Variants in CLEC1A observed in about 807,000 individuals in gnomAD.
CLEC1A encodes C-type lectin domain family 1 member A, also known as C-type lectin-like receptor-1.
Under a neutral mutation model 28.7 loss-of-function variants are expected in CLEC1A, and 34 were observed. That is an observed-to-expected ratio of 1.18 (90% confidence interval 0.90 to 1.57). The LOEUF is 1.57. Ranked by LOEUF, CLEC1A falls within the 40% of genes most tolerant of loss-of-function variation. The pLI is 0.00. For missense variants in CLEC1A, 385 were observed against 339.5 expected, an observed-to-expected ratio of 1.13 and a Z score of -1.05; for synonymous variants, 116 against 121.0, an observed-to-expected ratio of 0.96 and a Z score of 0.27.
At chr12:10,094,595 A>G (rs1001079983) in intron 1 of CLEC1A, among the ~76,000 whole-genome samples, 1 of 152,184 alleles carries the variant, frequency 6.6e-6, no homozygotes, top group African/African-American at 2.4e-5. Flanking sequence ...ACTAAGTTGC[A>G]CAGAGCTACC....
chr12:10,084,361 G>T (rs1284875345), intron 2 of CLEC1A: 2 of 152,220 alleles, frequency 1.3e-5, no homozygotes, highest in Admixed American at 1.3e-4. Context: ...AGGAGGACCA[G>T]TCTGGTCAAG....
rs995404386 is a variant in CLEC1A, at chr12:10,079,790, G to C, written c.391+1447C>G. On this transcript the variant is annotated intron_variant, in intron 3 of 5. Transcript: ENST00000315330. ...GCCGAGATCATGCCACTGCACTCCA[G>C]TCTAGGTGACAGAGCGAGACTCTGT... 1.7e-4 allele frequency among the ~76,000 whole-genome samples: 26 copies of C among 151,678 alleles called. 1 individual carries two copies. The highest frequency in any genetic ancestry group is 5.1e-4 in the African/African-American group (21 of 41,200).
At chr12:10,071,929 A>C (rs1444397194) in intron 5 of CLEC1A, among the ~76,000 whole-genome samples, 1 of 152,308 alleles carries the variant, frequency 6.6e-6, no homozygotes, top group African/African-American at 2.4e-5. Context: ...TTTAAATGTG[A>C]TATATTTTGA....
In CLEC1A at chr12:10,071,308, G is replaced by A. The variant is rs1213145717; in HGVS notation, c.*25C>T. The A allele has an allele frequency of 8.1e-6, 13 of 1,605,600 alleles. No individual in the cohort carries two copies. The highest frequency in any genetic ancestry group is 1.1e-5 in the Non-Finnish European group (13 of 1,175,466). On this transcript the variant is annotated 3_prime_UTR_variant, in exon 6 of 6. Transcript: ENST00000315330. Reference sequence around the variant, plus strand: ...GCTTTGGCACCGCCTGGCTCACTCTGCTATTTGTAGTTGCAGAGGGCGAAT... The same window carrying A: ...GCTTTGGCACCGCCTGGCTCACTCTACTATTTGTAGTTGCAGAGGGCGAAT...
At chr12:10,083,852 T>A (rs963296870) in intron 2 of CLEC1A, among the ~76,000 whole-genome samples, 15 of 151,854 alleles carry the variant, frequency 9.9e-5, no homozygotes, top group African/African-American at 3.4e-4. Flanking sequence ...GAAAAAACAA[T>A]CACAACTTCT....
intron 3 of CLEC1A, among the ~76,000 whole-genome samples, chr12:10,076,606 T>G (rs139999246): frequency 4.6e-5 from 7 of 152,296 alleles, no homozygotes; most frequent in African/African-American, 1.7e-4. Context: ...AGGAGAAATG[T>G]AACAACCTGG....
intron 2 of CLEC1A, among the ~76,000 whole-genome samples, chr12:10,085,244 A>ACAC (rs1866464953): frequency 9.1e-6 from 1 of 109,558 alleles, no homozygotes; most frequent in Non-Finnish European, 2.0e-5. Flanking sequence ...CACACACACA[A>ACAC]TAAAACAAGG....
Position 10,089,123 on chromosome 12 carries a change from C to T in CLEC1A, c.214+1G>A, listed in dbSNP as rs768665720. 1 of 1,612,972 alleles carries T rather than the reference C, an allele frequency of 6.2e-7. No individual in the cohort carries two copies. Among genetic ancestry groups the T allele is most frequent in the African/African-American group, 1.3e-5 (1 of 75,024 alleles). On this transcript the variant is annotated splice_donor_variant, in intron 2 of 5. Transcript: ENST00000315330. LOFTEE classifies it high-confidence loss of function. ...TCCCCCAGGTCAGAGCGCAGACTTA[C>T]ACAAAAGCCCCAGGGCTGCCAGCCC... is the stretch of plus-strand genomic sequence containing the variant.
chr12:10,081,195 T>A, intron 3 of CLEC1A, 42 bp downstream of exon 3: 1 of 1,468,918 alleles, frequency 6.8e-7, no homozygotes, highest in Non-Finnish European at 9.1e-7. Context: ...CATCTCTCTG[T>A]TTCCAGACAA....
At chr12:10,071,680 C>G (rs559643340) in intron 5 of CLEC1A, among the ~76,000 whole-genome samples, 167 bp from the exon 6 acceptor site, 4 of 152,168 alleles carry the variant, frequency 2.6e-5, no homozygotes, top group Non-Finnish European at 5.9e-5. Context: ...AGTTTCCATA[C>G]TCATTCTTAG....
chr12:10,072,296 C>T (rs1866151032), intron 5 of CLEC1A, among the ~76,000 whole-genome samples: 1 of 152,184 alleles, frequency 6.6e-6, no homozygotes, highest in South Asian at 2.1e-4. Flanking sequence ...GCTTGTACAG[C>T]CTGCAGGATT....
chr12:10,088,893 C>G (rs574616957), intron 2 of CLEC1A, among the ~76,000 whole-genome samples: 74 of 152,000 alleles, frequency 4.9e-4, no homozygotes, highest in African/African-American at 1.7e-3. Flanking sequence ...AACAAACAGA[C>G]AAAACCCTTC....
rs201411287 is a variant in CLEC1A at position 10,073,293 on chromosome 12, A to G, written c.662T>C (p.Leu221Pro). ...CCCATAAAATATCCTGAAGGCTTAC[A>G]GTTCAGAAGTGAAAGGGGTTCCATC... ...WMDGTPFTSELFHIIIDVTSP... is the reference protein window; with the variant it reads ...WMDGTPFTSEPFHIIIDVTSP... Residue 221 changes from leucine to proline, a missense_variant and splice_region_variant, in exon 5 of 6, where the codon CTG becomes CCG. By Grantham distance (98) the Leu-to-Pro change is moderately conservative. Transcript: ENST00000315330. 1.1e-5 allele frequency: 17 copies of G among 1,601,212 alleles called. No homozygotes were observed. The East Asian group carries it at 3.3e-4, about 32-fold the overall frequency.
At chr12:10,074,865 T>A (rs1866217574) in intron 4 of CLEC1A, among the ~76,000 whole-genome samples, 1 of 152,212 alleles carries the variant, frequency 6.6e-6, no homozygotes, top group African/African-American at 2.4e-5. Flanking sequence ...AAGAAAAATC[T>A]CTGCTAAATT....
intron 3 of CLEC1A, 119 bp downstream of exon 3, chr12:10,081,118 C>G: frequency 1.2e-6 from 1 of 830,966 alleles, no homozygotes; most frequent in Non-Finnish European, 1.9e-6. Flanking sequence ...GAAGCCCAAA[C>G]CCTTTTTCAG....
At chr12:10,078,546 C>T (rs1866300381) in intron 3 of CLEC1A, among the ~76,000 whole-genome samples, 2 of 152,192 alleles carry the variant, frequency 1.3e-5, no homozygotes, top group Admixed American at 1.3e-4. Context: ...CCTTATCCCT[C>T]TTGCCTTGTT....
At chr12:10,078,506 T>G (rs908678846) in intron 3 of CLEC1A, among the ~76,000 whole-genome samples, 2 of 152,232 alleles carry the variant, frequency 1.3e-5, no homozygotes, top group African/African-American at 4.8e-5. Context: ...GACAGCTCTA[T>G]TTAAAGTAGC....
At chr12:10,094,673 A>G (rs1402072585) in intron 1 of CLEC1A, among the ~76,000 whole-genome samples, 2 of 152,156 alleles carry the variant, frequency 1.3e-5, no homozygotes, top group Non-Finnish European at 2.9e-5. Context: ...ATCTCAGATC[A>G]ATATTTATAC....
intron 4 of CLEC1A, among the ~76,000 whole-genome samples, chr12:10,074,751 T>C (rs1482122827): frequency 6.6e-6 from 1 of 152,004 alleles, no homozygotes; most frequent in Non-Finnish European, 1.5e-5. Flanking sequence ...TTTCAGGAGG[T>C]AGGTAGAAAT....
Sources: gnomAD v4.1 joint callset for allele counts (sites outside exome capture counted in the v4.1 genomes callset) on GRCh38, gnomAD v4.1.1 for gene constraint, MANE v1.5 for transcripts, NCBI Gene and HGNC (gene_info 2026-07-23, HGNC 2026-07-21) for gene names.